DDX10: variants seen among roughly 807,000 people sequenced by gnomAD.
The protein encoded by DDX10 is probable ATP-dependent RNA helicase DDX10.
Under a neutral mutation model 104.3 loss-of-function variants are expected in DDX10, and 74 were observed. That is an observed-to-expected ratio of 0.71 (90% CI 0.59 to 0.86). The LOEUF is 0.86. Among genes scored for constraint, DDX10 ranks in the 40% least tolerant of loss-of-function variants. DDX10 has a pLI of 0.00. For missense variants in DDX10, 952 were observed against 1,040.0 expected, an observed-to-expected ratio of 0.92 and a Z score of 1.16; for synonymous variants, 351 against 353.4, an observed-to-expected ratio of 0.99 and a Z score of 0.08.
intron 16 of DDX10, among the ~76,000 whole-genome samples, chr11:108,905,382 A>G (rs1179764760): frequency 9.3e-5 from 1 of 10,750 alleles, no homozygotes. Context: ...TGTTTTTTAT[A>G]GTACGTCTTT....
intron 13 of DDX10, among the ~76,000 whole-genome samples, chr11:108,741,678 A>C (rs1017018200): frequency 1.3e-5 from 2 of 152,162 alleles, no homozygotes; most frequent in Non-Finnish European, 2.9e-5. Flanking sequence ...GTTGAAGTTT[A>C]TCAGATCAAG....
chr11:108,856,862 A>G (rs181909117), intron 16 of DDX10, among the ~76,000 whole-genome samples: 223 of 76,098 alleles, frequency 2.9e-3, no homozygotes, highest in African/African-American at 0.011. Context: ...ACCCCCCACC[A>G]CCCCCGCGTG....
At chr11:108,850,468 T>A (rs1469791469) in intron 15 of DDX10, among the ~76,000 whole-genome samples, 1 of 152,176 alleles carries the variant, frequency 6.6e-6, no homozygotes, top group African/African-American at 2.4e-5. Flanking sequence ...AAGTGCCATT[T>A]TCAGACACTG....
chr11:108,851,631 T>TAA (rs1862794007), intron 15 of DDX10, among the ~76,000 whole-genome samples: 1 of 152,188 alleles, frequency 6.6e-6, no homozygotes, highest in African/African-American at 2.4e-5. Context: ...TGTTAATGTT[T>TAA]AACCCCTGAA....
In DDX10 at chr11:108,880,190, C is replaced by T. The variant is rs564085902; in HGVS notation, c.2304+27981C>T. 6.6e-5 allele frequency among the ~76,000 whole-genome samples: 10 copies of T among 152,332 alleles called. No homozygotes were observed. The South Asian group carries it at 2.1e-3, about 32-fold the overall frequency. On this transcript the variant is annotated intron_variant, in intron 16 of 17. Coordinates refer to ENST00000322536, the MANE Select transcript of DDX10 (RefSeq NM_004398.4). ...TTTCTGAGGAGGACTCTGTTTCACC[C>T]TCTTACTGTGTTCTGACATGGCCTT...
intron 6 of DDX10, among the ~76,000 whole-genome samples, chr11:108,683,465 G>A (rs796948280): frequency 1.6e-4 from 25 of 152,310 alleles, no homozygotes; most frequent in African/African-American, 5.8e-4. Context: ...CAGAGGGCTT[G>A]GCTCAGGGCA....
chr11:108,879,422 G>A (rs1226239937), intron 16 of DDX10, among the ~76,000 whole-genome samples: 1 of 152,100 alleles, frequency 6.6e-6, no homozygotes, highest in Admixed American at 6.5e-5. Flanking sequence ...CTATAGTTTA[G>A]ATCCTTCTTC....
chr11:108,806,563 A>T (rs1862103873), intron 13 of DDX10, among the ~76,000 whole-genome samples: 1 of 152,198 alleles, frequency 6.6e-6, no homozygotes, highest in South Asian at 2.1e-4. Flanking sequence ...AATAGTAAAC[A>T]AGTAAGTAAA....
chr11:108,741,456 T>C (rs992025030), intron 13 of DDX10, among the ~76,000 whole-genome samples: 2 of 152,202 alleles, frequency 1.3e-5, no homozygotes, highest in Admixed American at 1.3e-4. Flanking sequence ...TTTTTCCATT[T>C]GTTTGTGTCC....
Position 108,677,141 on chromosome 11 carries a change from C to T in DDX10, c.435C>T (p.Leu145=), listed in dbSNP as rs1240571358. 1.9e-6 allele frequency: 3 copies of T among 1,613,782 alleles called. No individual in the cohort carries two copies. The highest frequency in any genetic ancestry group is 2.2e-5 in the East Asian group (1 of 44,852). The stretch of plus-strand genomic sequence containing the variant: ...CTTCAACAGATGGGCTGGGGGTTCT[C>T]ATAATATCACCTACGAGAGAACTGG... The part of the protein sequence containing the change: ...QWTSTDGLGV[L]IISPTRELAY... Residue 145 remains leucine, a synonymous_variant, in exon 4 of 18, where the codon CTC becomes CTT. Transcript: ENST00000322536.
chr11:108,690,678 G>A (rs956290914), intron 7 of DDX10: 9 of 169,872 alleles, frequency 5.3e-5, no homozygotes, highest in African/African-American at 1.4e-4. Flanking sequence ...CCACTTTTGC[G>A]CCATGTAATC....
At position 108,677,279 on chromosome 11, in the gene DDX10, G is replaced by A. The variant is rs564677528; in HGVS notation, c.537+36G>A. ...TTGTCTATGTCCTTCCTTTCCTTCTGTAACCTATACTGGAGTACTGTGGCC... is the reference window on the plus strand; with the variant it reads ...TTGTCTATGTCCTTCCTTTCCTTCTATAACCTATACTGGAGTACTGTGGCC... On this transcript the variant is annotated intron_variant, in intron 4 of 17. Transcript: ENST00000322536. The A allele has an allele frequency of 3.8e-6, 6 of 1,588,242 alleles. No individual in the cohort carries two copies. The East Asian group carries it at 1.1e-4, about 30-fold the overall frequency.
chr11:108,675,381 C>T (rs1360024590), intron 2 of DDX10, among the ~76,000 whole-genome samples: 2 of 152,172 alleles, frequency 1.3e-5, no homozygotes, highest in African/African-American at 2.4e-5. Flanking sequence ...AGTTTCTTCT[C>T]ATAAAGACAC....
chr11:108,796,575 A>C (rs958390877), intron 13 of DDX10, among the ~76,000 whole-genome samples: 5 of 152,216 alleles, frequency 3.3e-5, no homozygotes, highest in African/African-American at 7.2e-5. Flanking sequence ...TTAATCTAAA[A>C]ACTGTCTTTA....
At chr11:108,749,401 G>T (rs1395634704) in intron 13 of DDX10, among the ~76,000 whole-genome samples, 2 of 152,036 alleles carry the variant, frequency 1.3e-5, no homozygotes, top group Non-Finnish European at 1.5e-5. Context: ...ACTATTCAAG[G>T]TTATTAGCTT....
intron 13 of DDX10, among the ~76,000 whole-genome samples, chr11:108,741,453 A>G (rs939212322): frequency 6.6e-6 from 1 of 151,930 alleles, no homozygotes; most frequent in Non-Finnish European, 1.5e-5. Flanking sequence ...ATGTTTTTCC[A>G]TTTGTTTGTG....
At chr11:108,731,679 G>A (rs2094312498) in intron 13 of DDX10, among the ~76,000 whole-genome samples, 2 of 151,780 alleles carry the variant, frequency 1.3e-5, no homozygotes, top group South Asian at 4.2e-4. Context: ...TGGGATTATA[G>A]GTATAAATCA....
intron 13 of DDX10, among the ~76,000 whole-genome samples, chr11:108,780,202 T>C (rs1280595174): frequency 1.3e-5 from 2 of 152,208 alleles, no homozygotes; most frequent in Admixed American, 6.5e-5. Context: ...GTTGGGTTGC[T>C]TTCTTTGAAT....
chr11:108,693,457 A>G, intron 8 of DDX10, 59 bp from the exon 9 acceptor site: 1 of 1,202,648 alleles, frequency 8.3e-7, no homozygotes, highest in Non-Finnish European at 1.2e-6. Context: ...TAAGATAAAA[A>G]TAGTGCAGCA....
Sources: allele counts gnomAD v4.1 joint callset (sites outside exome capture counted in the v4.1 genomes callset), GRCh38; gene constraint gnomAD v4.1.1; transcripts MANE v1.5; gene names NCBI Gene and HGNC (gene_info 2026-07-23, HGNC 2026-07-21).